Variants in MAPKAP1 observed in about 807,000 individuals in gnomAD.
MAPKAP1 encodes the protein MAPK associated protein 1.
In MAPKAP1, 20 loss-of-function variants were observed where a neutral mutation model predicts 65.7. The ratio of observed to expected loss-of-function variants is 0.30; its 90% CI spans 0.21 to 0.44. The LOEUF is 0.44. MAPKAP1 is among the 20% of genes least tolerant of loss of function. The probability of loss-of-function intolerance (pLI) is 1.00; values close to 1 mark genes in which losing one functional copy is unlikely to be tolerated. For missense variants in MAPKAP1, 423 were observed against 648.0 expected (o/e 0.65, Z 3.77); for synonymous variants, 222 against 244.3 (o/e 0.91, Z 0.85).
At chr9:125,539,224 AT>A (rs1187649082) in intron 7 of MAPKAP1, among the ~76,000 whole-genome samples, 1 of 152,234 alleles carries the variant, frequency 6.6e-6, no homozygotes, top group African/African-American at 2.4e-5. Flanking sequence ...TATTAACAAT[AT>A]TTTAAGAACT....
rs994203083 is a variant in MAPKAP1, at chr9:125,568,005, G to A, written c.672-8196C>T. On this transcript the variant is annotated intron_variant, in intron 5 of 11. Coordinates refer to ENST00000265960, the MANE Select transcript of MAPKAP1 (RefSeq NM_001006617.3). ...TTGGACAACTTTGGGTAAGTAATGGGGTACCCGGGTAAAGAATGAGATTGG... is the reference window on the plus strand; with the variant it reads ...TTGGACAACTTTGGGTAAGTAATGGAGTACCCGGGTAAAGAATGAGATTGG... 7.9e-5 allele frequency: 12 copies of A among 152,346 alleles called. No homozygotes were observed. In the East Asian group the frequency reaches 2.3e-3, roughly 29 times the overall value. 9.4% of individuals were successfully genotyped at this position (152,346 alleles called of 1,614,324 possible). A position where few individuals can be genotyped will look rare whatever the true frequency, so the allele number is the denominator to read the frequency against.
intron 1 of MAPKAP1, among the ~76,000 whole-genome samples, chr9:125,678,714 G>A (rs1834730444): frequency 6.6e-6 from 1 of 152,192 alleles, no homozygotes; most frequent in Non-Finnish European, 1.5e-5. Flanking sequence ...AAACCTGCCT[G>A]TGGTAACTAG....
chr9:125,635,513 G>A lies in MAPKAP1; in HGVS notation c.498+22138C>T, dbSNP rs551333029. Among the ~76,000 whole-genome samples, 340 of 152,244 alleles carry A rather than the reference G, an allele frequency of 2.2e-3. 7 individuals are homozygous for A. In the South Asian group the frequency reaches 0.033, roughly 15 times the overall value. On this transcript the variant is annotated intron_variant, in intron 4 of 11. Transcript: ENST00000265960. ...ACTGCTCTACTATTTGCTAAAATGC[G>A]CCCTACCTTTTGCCACAAGACCGTT... is the stretch of plus-strand genomic sequence containing the variant.
chr9:125,693,119 A>G (rs1480552548), intron 1 of MAPKAP1, among the ~76,000 whole-genome samples: 1 of 152,136 alleles, frequency 6.6e-6, no homozygotes, highest in Non-Finnish European at 1.5e-5. Flanking sequence ...ATATTTTTAT[A>G]TTAAGAAAAC....
intron 1 of MAPKAP1, among the ~76,000 whole-genome samples, chr9:125,701,359 G>T (rs1332466232): frequency 6.6e-6 from 1 of 152,184 alleles, no homozygotes; most frequent in African/African-American, 2.4e-5. Flanking sequence ...ATTTCAGCAA[G>T]ACTTGAATTT....
chr9:125,510,821 G>A (rs770407939), intron 7 of MAPKAP1, among the ~76,000 whole-genome samples: 6 of 152,190 alleles, frequency 3.9e-5, no homozygotes, highest in Non-Finnish European at 8.8e-5. Context: ...CACAGAGAAA[G>A]ATTATAGTAT....
At chr9:125,570,041 A>G (rs1344834380) in intron 5 of MAPKAP1, among the ~76,000 whole-genome samples, 1 of 152,216 alleles carries the variant, frequency 6.6e-6, no homozygotes, top group African/African-American at 2.4e-5. Context: ...TGCTTCTTTA[A>G]CTTTTAAAAA....
intron 1 of MAPKAP1, among the ~76,000 whole-genome samples, chr9:125,693,720 CGTATATACACAT>C (rs1835280292): frequency 3.0e-5 from 4 of 135,466 alleles, no homozygotes; most frequent in African/African-American, 9.0e-5. Context: ...CATATATACA[CGTATATACACAT>C]ATATACACGT....
intron 5 of MAPKAP1, among the ~76,000 whole-genome samples, chr9:125,575,651 C>T (rs1293213982): frequency 6.6e-6 from 1 of 152,226 alleles, no homozygotes; most frequent in Non-Finnish European, 1.5e-5. Flanking sequence ...AAAACAACGA[C>T]ATACCACTAC....
chr9:125,553,308 G>A (rs1210354143), intron 6 of MAPKAP1, among the ~76,000 whole-genome samples: 1 of 152,202 alleles, frequency 6.6e-6, no homozygotes, highest in East Asian at 1.9e-4. Flanking sequence ...TTGGGAGGTA[G>A]AGGCAGGCAG....
intron 1 of MAPKAP1, among the ~76,000 whole-genome samples, chr9:125,687,785 T>TA (rs1383228025): frequency 2.0e-5 from 3 of 152,120 alleles, no homozygotes; most frequent in Admixed American, 6.5e-5. Context: ...CCCTCTCTCT[T>TA]AAATTTTTTA....
rs554311339 is a variant in MAPKAP1 at position 125,691,112 on chromosome 9, T to C, written c.-70+15859A>G. Among the ~76,000 whole-genome samples the C allele has an allele frequency of 3.3e-5, 5 of 151,824 alleles. No homozygotes were observed. In the South Asian group the frequency reaches 6.3e-4, roughly 19 times the overall value. ...CCGTCTCTACTAAAAATAGAAAAAATTAGCCGGGCGTGGTGGCGGGCGCCT... is the reference window on the plus strand; with the variant it reads ...CCGTCTCTACTAAAAATAGAAAAAACTAGCCGGGCGTGGTGGCGGGCGCCT... On this transcript the variant is annotated intron_variant, in intron 1 of 11. Transcript: ENST00000265960.
chr9:125,576,224 C>A (rs1187227646), intron 5 of MAPKAP1, among the ~76,000 whole-genome samples: 3 of 152,142 alleles, frequency 2.0e-5, no homozygotes, highest in African/African-American at 7.2e-5. Context: ...GCAGTGAAGC[C>A]ATTCTGTATG....
rs561689414 is a variant in MAPKAP1 at position 125,438,319 on chromosome 9, A to G, written c.*568T>C. ...AAATGCACTCATTTAAACAAATGGC[A>G]TAGTTAAAACTATTGACTAAGACCT... On this transcript the variant is annotated 3_prime_UTR_variant, in exon 12 of 12. Transcript: ENST00000265960. 1 of 398,960 alleles carries G rather than the reference A, an allele frequency of 2.5e-6. No homozygotes were observed. The highest frequency in any genetic ancestry group is 1.3e-4 in the South Asian group (1 of 7,872). The allele number at this position is 398,960 out of a possible 1,614,324, so 24.7% of individuals were successfully genotyped here. A position where few individuals can be genotyped will look rare whatever the true frequency, so the allele number is the denominator to read the frequency against.
chr9:125,562,677 T>C (rs1830926301), intron 5 of MAPKAP1, among the ~76,000 whole-genome samples: 1 of 152,220 alleles, frequency 6.6e-6, no homozygotes, highest in African/African-American at 2.4e-5. Context: ...TATCATTAGC[T>C]ACATTTATTG....
At position 125,496,890 on chromosome 9, in the gene MAPKAP1, G is replaced by A. The variant is rs567864917; in HGVS notation, c.1066+9420C>T. ...GGGCTCAGGAGGCTCACTCTATCAG[G>A]GGGAAAGAGCCAGGCCTGGCCACAG... On this transcript the variant is annotated intron_variant, in intron 8 of 11. Transcript: ENST00000265960. Among the ~76,000 whole-genome samples, 6 of 152,230 alleles carry A rather than the reference G, an allele frequency of 3.9e-5. No homozygotes were observed. In the South Asian group the frequency reaches 1.0e-3, roughly 26 times the overall value.
At chr9:125,650,116 C>G (rs1833851730) in intron 4 of MAPKAP1, among the ~76,000 whole-genome samples, 1 of 152,190 alleles carries the variant, frequency 6.6e-6, no homozygotes, top group Admixed American at 6.5e-5. Flanking sequence ...CTAAATATCT[C>G]TCGAATTCAT....
chr9:125,521,517 AT>A, intron 7 of MAPKAP1: 2 of 1,306,756 alleles, frequency 1.5e-6, no homozygotes, highest in Admixed American at 7.9e-5. Flanking sequence ...AAAATAGTTT[AT>A]GGAAACCAGT....
chr9:125,572,744 C>T (rs1831272439), intron 5 of MAPKAP1, among the ~76,000 whole-genome samples: 1 of 152,182 alleles, frequency 6.6e-6, no homozygotes, highest in African/African-American at 2.4e-5. Flanking sequence ...TTGCCCAGTT[C>T]ATGTAAAGCC....
Sources: gnomAD v4.1 joint callset for allele counts (sites outside exome capture counted in the v4.1 genomes callset) on GRCh38, gnomAD v4.1.1 for gene constraint, MANE v1.5 for transcripts, NCBI Gene and HGNC (gene_info 2026-07-23, HGNC 2026-07-21) for gene names.